TMEM135: variants seen among roughly 807,000 people sequenced by gnomAD.
TMEM135 encodes transmembrane protein 135.
TMEM135 carries 30 observed loss-of-function variants against 60.3 expected under a neutral mutation model. The ratio of observed to expected loss-of-function variants is 0.50; its 90% CI spans 0.37 to 0.68. TMEM135 has a LOEUF of 0.68. Among genes scored for constraint, TMEM135 ranks in the 30% least tolerant of loss-of-function variants. The probability of loss-of-function intolerance (pLI) is 0.00; values close to 1 mark genes in which losing one functional copy is unlikely to be tolerated. For synonymous variants in TMEM135, 190 were observed against 186.7 expected (o/e 1.02, Z -0.14); for missense variants, 468 against 548.8 (o/e 0.85, Z 1.47).
chr11:87,189,115 T>C (rs867889046), intron 5 of TMEM135, among the ~76,000 whole-genome samples: 12 of 151,788 alleles, frequency 7.9e-5, no homozygotes, highest in African/African-American at 1.9e-4. Flanking sequence ...CTTTTCCTTT[T>C]CCTTTCCCTT....
chr11:87,181,995 T>G (rs1171362827), intron 5 of TMEM135, among the ~76,000 whole-genome samples: 3 of 151,306 alleles, frequency 2.0e-5, no homozygotes, highest in Non-Finnish European at 3.0e-5. Flanking sequence ...TGGAGTGTAT[T>G]TGAAATGAGA....
At chr11:87,178,350 A>G (rs1939432492) in intron 5 of TMEM135, 1 of 453,808 alleles carries the variant, frequency 2.2e-6, no homozygotes, top group South Asian at 1.6e-5. Context: ...TTATGCCACA[A>G]TCTAAACTCT....
chr11:87,115,556 G>A (rs78648040), intron 4 of TMEM135, among the ~76,000 whole-genome samples: 1 of 151,780 alleles, frequency 6.6e-6, no homozygotes, highest in South Asian at 2.1e-4. Context: ...AGCCTTTGAG[G>A]TATATAAATT....
At chr11:87,086,015 A>G (rs1857087834) in intron 3 of TMEM135, among the ~76,000 whole-genome samples, 3 of 152,182 alleles carry the variant, frequency 2.0e-5, no homozygotes, top group African/African-American at 4.8e-5. Flanking sequence ...AATATTGATT[A>G]TACCTTGTAG....
chr11:87,236,794 A>C (rs1323068838), intron 6 of TMEM135, 110 bp downstream of exon 6: 7 of 1,086,876 alleles, frequency 6.4e-6, no homozygotes, highest in Non-Finnish European at 9.8e-6. Context: ...TACAAGCAGC[A>C]TACTCCCCCC....
intron 5 of TMEM135, among the ~76,000 whole-genome samples, chr11:87,163,292 G>GT (rs1311375168): frequency 3.1e-4 from 45 of 142,970 alleles, no homozygotes; most frequent in Middle Eastern, 7.2e-3. Context: ...GCGGTGTTTG[G>GT]TTTTTTGTTC....
intron 4 of TMEM135, among the ~76,000 whole-genome samples, chr11:87,107,014 C>T (rs1166600610): frequency 1.3e-5 from 2 of 152,154 alleles, no homozygotes; most frequent in African/African-American, 2.4e-5. Flanking sequence ...CACGAGAACT[C>T]GCTATCACGA....
At chr11:87,242,040 C>G (rs1941148280) in intron 6 of TMEM135, among the ~76,000 whole-genome samples, 1 of 151,242 alleles carries the variant, frequency 6.6e-6, no homozygotes, top group African/African-American at 2.4e-5. Context: ...TGTAATGTTC[C>G]CCTTCCTGTG....
intron 4 of TMEM135, among the ~76,000 whole-genome samples, chr11:87,148,336 T>C (rs796772095): frequency 1.3e-4 from 20 of 152,310 alleles, no homozygotes; most frequent in African/African-American, 4.8e-4. Flanking sequence ...TGCTTTCCCA[T>C]AGAAACAAAG....
intron 1 of TMEM135, among the ~76,000 whole-genome samples, chr11:87,053,135 A>G (rs1382147042): frequency 8.9e-6 from 1 of 112,230 alleles, no homozygotes. Context: ...GGACACAGGA[A>G]GGGGAATATC....
At chr11:87,119,508 G>T (rs1328669680) in intron 4 of TMEM135, among the ~76,000 whole-genome samples, 1 of 152,208 alleles carries the variant, frequency 6.6e-6, no homozygotes, top group Non-Finnish European at 1.5e-5. Context: ...TTTGCCACCA[G>T]CCTGGCCAAC....
chr11:87,326,053 T>C lies in TMEM135; in HGVS notation c.*4720T>C, dbSNP rs894152220. ...GCCAAGAGCAGTTTATACTTCTTTCTTTAGCTCACAAACTACTATAGCTTG... is the reference window on the plus strand; with the variant it reads ...GCCAAGAGCAGTTTATACTTCTTTCCTTAGCTCACAAACTACTATAGCTTG... On this transcript the variant is annotated 3_prime_UTR_variant, in exon 15 of 15. Coordinates refer to ENST00000305494, the MANE Select transcript of TMEM135 (RefSeq NM_022918.4). The C allele has an allele frequency of 2.2e-6, 1 of 453,752 alleles. No homozygotes were observed. Among genetic ancestry groups the C allele is most frequent in the Non-Finnish European group, 4.4e-6 (1 of 226,738 alleles). The allele number at this position is 453,752 out of a possible 1,614,324, so 28.1% of individuals were successfully genotyped here. A position where few individuals can be genotyped will look rare whatever the true frequency, so the allele number is the denominator to read the frequency against.
At position 87,324,514 on chromosome 11, in the gene TMEM135, T is replaced by C. The variant is rs1473219223; in HGVS notation, c.*3181T>C. Reference sequence around the variant, plus strand: ...ATAGCTCATTGAAACCTCAAATTCCTTGGTTCAAGCAATTATTTCCCCTCA... The same window carrying C: ...ATAGCTCATTGAAACCTCAAATTCCCTGGTTCAAGCAATTATTTCCCCTCA... On this transcript the variant is annotated 3_prime_UTR_variant, in exon 15 of 15. Transcript: ENST00000305494. The C allele has an allele frequency of 2.2e-6, 1 of 453,648 alleles. No homozygotes were observed. Among genetic ancestry groups the C allele is most frequent in the East Asian group, 7.0e-5 (1 of 14,386 alleles). The allele number at this position is 453,648 out of a possible 1,614,324, so 28.1% of individuals were successfully genotyped here. A position where few individuals can be genotyped will look rare whatever the true frequency, so the allele number is the denominator to read the frequency against.
intron 5 of TMEM135, among the ~76,000 whole-genome samples, chr11:87,232,961 G>T (rs991386723): frequency 6.6e-6 from 1 of 152,138 alleles, no homozygotes; most frequent in Non-Finnish European, 1.5e-5. Context: ...GACCAGCCTG[G>T]CTGACATGGT....
intron 4 of TMEM135, among the ~76,000 whole-genome samples, chr11:87,145,976 T>G (rs1319679090): frequency 6.6e-6 from 1 of 152,222 alleles, no homozygotes; most frequent in Non-Finnish European, 1.5e-5. Flanking sequence ...CCTGCACCTT[T>G]GGGATCAAAT....
At chr11:87,134,144 G>T (rs1391365424) in intron 4 of TMEM135, among the ~76,000 whole-genome samples, 1 of 152,090 alleles carries the variant, frequency 6.6e-6, no homozygotes, top group Non-Finnish European at 1.5e-5. Flanking sequence ...AGAAGTCTGG[G>T]ATCAAGGCGT....
chr11:87,261,021 T>C (rs1941642030), intron 6 of TMEM135, among the ~76,000 whole-genome samples: 1 of 152,188 alleles, frequency 6.6e-6, no homozygotes, highest in African/African-American at 2.4e-5. Flanking sequence ...TAATTGTCTT[T>C]AGAATCTGTA....
intron 5 of TMEM135, among the ~76,000 whole-genome samples, chr11:87,225,671 T>G (rs958266148): frequency 6.6e-6 from 1 of 152,048 alleles, no homozygotes; most frequent in East Asian, 1.9e-4. Context: ...TACTCCTACT[T>G]TGGAAGCTCA....
intron 6 of TMEM135, among the ~76,000 whole-genome samples, chr11:87,292,277 C>T (rs10751151): frequency 0.63 from 95,822 of 152,054 alleles, 30,485 homozygotes; most frequent in Non-Finnish European, 0.67. Context: ...TACCTGTTAT[C>T]ACTATATGAC....
Sources: gnomAD v4.1 joint callset for allele counts (sites outside exome capture counted in the v4.1 genomes callset) on GRCh38, gnomAD v4.1.1 for gene constraint, MANE v1.5 for transcripts, NCBI Gene and HGNC (gene_info 2026-07-23, HGNC 2026-07-21) for gene names.